Variants in BRF1 observed in about 807,000 individuals in gnomAD.
BRF1 encodes transcription factor IIIB 90 kDa subunit.
A neutral mutation model predicts 81.7 loss-of-function variants in BRF1; 59 were observed. The observed-to-expected ratio is 0.72, with a 90% CI of 0.59 to 0.90. BRF1 has a LOEUF of 0.90. Ranked by LOEUF, BRF1 falls within the 40% of genes least tolerant of loss-of-function variation. The probability of loss-of-function intolerance (pLI) is 0.00; values close to 1 mark genes in which losing one functional copy is unlikely to be tolerated. For missense variants in BRF1, 1,050 were observed against 936.3 expected (o/e 1.12, Z -1.58); for synonymous variants, 491 against 395.6 (o/e 1.24, Z -2.86).
At chr14:105,250,768 T>C in intron 5 of BRF1, 2 of 1,277,832 alleles carry the variant, frequency 1.6e-6, no homozygotes, top group Admixed American at 4.9e-5. Flanking sequence ...CTCTTAACTT[T>C]GTCTCTCTTT....
intron 5 of BRF1, chr14:105,249,964 G>T: frequency 6.2e-7 from 1 of 1,612,338 alleles, no homozygotes; most frequent in Non-Finnish European, 8.5e-7. Context: ...TGGTCTTCGA[G>T]GCCGTCCTGA....
At chr14:105,296,928 G>C (rs1566875093) in intron 1 of BRF1, among the ~76,000 whole-genome samples, 1 of 151,970 alleles carries the variant, frequency 6.6e-6, no homozygotes, top group East Asian at 1.9e-4. Flanking sequence ...GGCTGAAGTG[G>C]GGGGGGATCA....
intron 16 of BRF1, 195 bp from the exon 17 acceptor site, chr14:105,211,488 C>T (rs1447339121): frequency 7.0e-6 from 4 of 572,286 alleles, no homozygotes; most frequent in East Asian, 6.1e-5. Flanking sequence ...GCTGTGTCAG[C>T]ATCAAGATCC....
Position 105,284,737 on chromosome 14 carries a change from G to C in BRF1, c.265+1559C>G, listed in dbSNP as rs1031337823. On this transcript the variant is annotated intron_variant, in intron 2 of 17. Coordinates refer to ENST00000547530, the MANE Select transcript of BRF1 (RefSeq NM_001519.4). This position sits in a 1 kb window ranked among gnomAD's most constrained non-coding sequence, Gnocchi z 4.0. ...ATGGTGAAGACTGGATGCTTCCCCAGGATCAAGGACAAGAGGATGTCTGTT... is the reference window on the plus strand; with the variant it reads ...ATGGTGAAGACTGGATGCTTCCCCACGATCAAGGACAAGAGGATGTCTGTT... 1.3e-5 allele frequency among the ~76,000 whole-genome samples: 2 copies of C among 152,110 alleles called. No individual in the cohort carries two copies. Among genetic ancestry groups the C allele is most frequent in the African/African-American group, 4.8e-5 (2 of 41,418 alleles).
At chr14:105,244,025 C>T (rs1468632059) in intron 5 of BRF1, among the ~76,000 whole-genome samples, 1 of 151,928 alleles carries the variant, frequency 6.6e-6, no homozygotes, top group East Asian at 1.9e-4. Flanking sequence ...AAATTCAAGA[C>T]AAGCCAGGCA....
upstream of BRF1, among the ~76,000 whole-genome samples, chr14:105,305,830 C>T (rs2058170961): frequency 1.3e-5 from 2 of 152,264 alleles, no homozygotes; most frequent in Admixed American, 1.3e-4. Context: ...CCACACTGGG[C>T]ACCCAGCACC....
At chr14:105,277,738 G>A (rs1432250377) in intron 2 of BRF1, among the ~76,000 whole-genome samples, 1 of 152,172 alleles carries the variant, frequency 6.6e-6, no homozygotes, top group Non-Finnish European at 1.5e-5. Context: ...GATGACTGCA[G>A]TAAGTTATTT....
At chr14:105,244,630 C>T (rs961824691) in intron 5 of BRF1, among the ~76,000 whole-genome samples, 9 of 151,916 alleles carry the variant, frequency 5.9e-5, no homozygotes, top group Non-Finnish European at 1.0e-4. Flanking sequence ...AATCTGCAGG[C>T]GCACAGCGAC....
In BRF1 at chr14:105,300,671, C is replaced by T; in HGVS notation, c.-42G>A. 1 of 1,285,598 alleles carries T rather than the reference C, an allele frequency of 7.8e-7. No individual in the cohort carries two copies. Among genetic ancestry groups the T allele is most frequent in the Non-Finnish European group, 9.8e-7 (1 of 1,022,240 alleles). The allele number at this position is 1,285,598 out of a possible 1,614,324, so 79.6% of individuals were successfully genotyped here. On this transcript the variant is annotated 5_prime_UTR_variant, in exon 1 of 18. Transcript: ENST00000547530. ...GCAGCGCCCGGAGCCTCCCAAGACT[C>T]TCAAGCCACCCGAGCCTCCGGAGCA...
chr14:105,294,567 G>C (rs866630281), intron 1 of BRF1, among the ~76,000 whole-genome samples: 1 of 152,214 alleles, frequency 6.6e-6, no homozygotes, highest in Non-Finnish European at 1.5e-5. Flanking sequence ...TGCAAACTCT[G>C]TGCCCAGCAG....
rs1355684809 is a variant in BRF1 at position 105,315,065 on chromosome 14, C to T, written c.-162+257G>A. On this transcript the variant is annotated intron_variant, in intron 1 of 17. Transcript: ENST00000327359. The surrounding 1 kb of genome is among the most constrained non-coding windows in gnomAD (Gnocchi z 4.4). Reference sequence around the variant, plus strand: ...ACGCGCCGCCCGCCGCGCTTTGTTCCCGCCGGGCACCTGCTGGGGGTGTCC... The same window carrying T: ...ACGCGCCGCCCGCCGCGCTTTGTTCTCGCCGGGCACCTGCTGGGGGTGTCC... The T allele has an allele frequency of 6.2e-6, 7 of 1,134,542 alleles. No homozygotes were observed. The highest frequency in any genetic ancestry group is 5.5e-5 in the East Asian group (1 of 18,144). The allele number at this position is 1,134,542 out of a possible 1,614,324, so 70.3% of individuals were successfully genotyped here.
In BRF1 at chr14:105,210,679, GAAGAC is replaced by G. The variant is rs1399398851; in HGVS notation, c.1997-96_1997-92del. 2.1e-6 allele frequency: 3 copies of G among 1,431,786 alleles called. No homozygotes were observed. The highest frequency in any genetic ancestry group is 2.9e-6 in the Non-Finnish European group (3 of 1,048,842). 88.7% of individuals were successfully genotyped at this position (1,431,786 alleles called of 1,614,324 possible). A position where few individuals can be genotyped will look rare whatever the true frequency, so the allele number is the denominator to read the frequency against. On this transcript the variant is annotated intron_variant, in intron 17 of 17. Transcript: ENST00000547530. This position sits in a 1 kb window ranked among gnomAD's most constrained non-coding sequence, Gnocchi z 4.7. ...CCGCCCTGTTCCTGGTGCCCCCCTA[GAAGAC>G]TCAGGCTCCAGCCCCAGCCCCAGCC...
At chr14:105,264,709 C>T (rs749376671) in intron 3 of BRF1, among the ~76,000 whole-genome samples, 40 of 146,252 alleles carry the variant, frequency 2.7e-4, no homozygotes, top group Admixed American at 7.6e-4. Flanking sequence ...GGTGTGGTGG[C>T]GCATACCTGT....
intron 7 of BRF1, chr14:105,228,395 T>A (rs1352696431): frequency 1.3e-5 from 2 of 157,764 alleles, no homozygotes; most frequent in African/African-American, 2.4e-5. Flanking sequence ...TACTAAAAAA[T>A]TAGCCAGGCG....
At chr14:105,241,501 C>G (rs2054641082) in intron 5 of BRF1, 87 bp from the exon 6 acceptor site, 6 of 1,544,460 alleles carry the variant, frequency 3.9e-6, no homozygotes, top group Non-Finnish European at 5.3e-6. Flanking sequence ...GTGGGGCAAC[C>G]TGCACTTGTC....
chr14:105,297,364 C>T (rs587594279), intron 1 of BRF1, among the ~76,000 whole-genome samples: 71 of 151,998 alleles, frequency 4.7e-4, no homozygotes, highest in African/African-American at 1.6e-3. Flanking sequence ...GTCAGGAGTT[C>T]GAGACCAGCC....
At chr14:105,250,118 A>G (rs1251612579) in intron 5 of BRF1, 1 of 1,613,008 alleles carries the variant, frequency 6.2e-7, no homozygotes, top group Non-Finnish European at 8.5e-7. Context: ...CCAGTCAGAC[A>G]TCCTGACTCT....
At chr14:105,296,824 TATA>T (rs1240461607) in intron 1 of BRF1, among the ~76,000 whole-genome samples, 2 of 152,008 alleles carry the variant, frequency 1.3e-5, no homozygotes, top group Non-Finnish European at 2.9e-5. Flanking sequence ...AAATTCCACT[TATA>T]ATAACTCCTA....
intron 17 of BRF1, 114 bp downstream of exon 17, chr14:105,211,008 G>A: frequency 2.0e-6 from 3 of 1,491,450 alleles, no homozygotes; most frequent in Non-Finnish European, 2.7e-6. Context: ...TTCTTTCCAG[G>A]GAGAAACAGA....
Sources: gnomAD v4.1 joint callset for allele counts (sites outside exome capture counted in the v4.1 genomes callset) on GRCh38, gnomAD v4.1.1 for gene constraint, Gnocchi (gnomAD v3.1) non-coding constraint, MANE v1.5 for transcripts, NCBI Gene and HGNC (gene_info 2026-07-23, HGNC 2026-07-21) for gene names.